Variants in ECHDC1 observed in about 807,000 individuals in gnomAD.
ECHDC1 encodes ethylmalonyl-CoA decarboxylase 1, also known as ethylmalonyl-CoA decarboxylase.
A neutral mutation model predicts 29.7 loss-of-function variants in ECHDC1; 29 were observed. The ratio of observed to expected loss-of-function variants is 0.98; its 90% CI spans 0.73 to 1.33. The LOEUF (loss-of-function observed/expected upper bound fraction) is 1.33. Ranked by LOEUF, ECHDC1 falls within the 40% of genes most tolerant of loss-of-function variation. ECHDC1 has a pLI of 0.00. For synonymous variants in ECHDC1, 126 were observed against 123.1 expected, an observed-to-expected ratio of 1.02 and a Z score of -0.15; for missense variants, 328 against 350.0, an observed-to-expected ratio of 0.94 and a Z score of 0.50.
At chr6:127,341,897 C>T (rs1229479632) in intron 1 of ECHDC1, among the ~76,000 whole-genome samples, 1 of 152,222 alleles carries the variant, frequency 6.6e-6, no homozygotes, top group Non-Finnish European at 1.5e-5. Context: ...CTGTATATCG[C>T]CTGTTTGTAA....
At chr6:127,304,586 A>G (rs1349879358) in intron 5 of ECHDC1, among the ~76,000 whole-genome samples, 4 of 152,240 alleles carry the variant, frequency 2.6e-5, no homozygotes, top group African/African-American at 9.6e-5. Flanking sequence ...GGAAAAAGAG[A>G]TACGTGACTT....
chr6:127,329,425 A>G (rs2114676337), intron 2 of ECHDC1, among the ~76,000 whole-genome samples: 1 of 152,308 alleles, frequency 6.6e-6, no homozygotes, highest in South Asian at 2.1e-4. Context: ...ATAAATCATC[A>G]CTATTGATCC....
In ECHDC1 at chr6:127,332,931, T is replaced by G. The variant is rs139513872; in HGVS notation, c.-2-1901A>C. Among the ~76,000 whole-genome samples the G allele has an allele frequency of 2.8e-3, 426 of 152,302 alleles. 2 individuals are homozygous for G. Among genetic ancestry groups the G allele is most frequent in the African/African-American group, 9.9e-3 (410 of 41,560 alleles). ...CCTAAGCCTCCCGAGTAGCTGGGAC[T>G]ATAGGTATATGCCAACATGCCAAGC... On this transcript the variant is annotated intron_variant, in intron 1 of 5. Transcript: ENST00000454859.
At chr6:127,305,282 T>C (rs1444300308) in intron 5 of ECHDC1, among the ~76,000 whole-genome samples, 7 of 152,088 alleles carry the variant, frequency 4.6e-5, no homozygotes, top group Non-Finnish European at 1.0e-4. Flanking sequence ...ATACTGCAAG[T>C]GCTGAGGGAA....
intron 3 of ECHDC1, among the ~76,000 whole-genome samples, chr6:127,321,844 A>G (rs1782852656): frequency 6.6e-6 from 1 of 151,938 alleles, no homozygotes. Flanking sequence ...CTCTACTAAA[A>G]ATACAAAAAC....
intron 5 of ECHDC1, among the ~76,000 whole-genome samples, chr6:127,310,682 A>T (rs6936813): frequency 0.13 from 19,949 of 152,264 alleles, 2,571 homozygotes; most frequent in East Asian, 0.56. Flanking sequence ...ACAACAAAGG[A>T]TTTAGAATAT....
chr6:127,323,215 T>C (rs1782992880), intron 3 of ECHDC1, among the ~76,000 whole-genome samples: 1 of 152,024 alleles, frequency 6.6e-6, no homozygotes, highest in Non-Finnish European at 1.5e-5. Flanking sequence ...TCTGAAAAAA[T>C]GTAAAATCTG....
intron 1 of ECHDC1, among the ~76,000 whole-genome samples, chr6:127,335,538 T>C (rs1053247115): frequency 2.0e-5 from 3 of 152,132 alleles, no homozygotes; most frequent in Non-Finnish European, 4.4e-5. Context: ...CATAAATCTT[T>C]GATAGGACCT....
At chr6:127,298,686 T>C (rs996764310) in intron 5 of ECHDC1, among the ~76,000 whole-genome samples, 7 of 152,206 alleles carry the variant, frequency 4.6e-5, no homozygotes, top group Non-Finnish European at 7.3e-5. Flanking sequence ...AAAATTTCTA[T>C]AGCCTGGTGA....
chr6:127,317,693 A>G (rs2114629221), intron 3 of ECHDC1, among the ~76,000 whole-genome samples: 1 of 152,340 alleles, frequency 6.6e-6, no homozygotes, highest in South Asian at 2.1e-4. Flanking sequence ...TAAGGCTCAG[A>G]TTTTTGGTAC....
intron 3 of ECHDC1, among the ~76,000 whole-genome samples, chr6:127,323,630 T>C (rs561474668): frequency 6.6e-6 from 1 of 152,280 alleles, no homozygotes; most frequent in East Asian, 1.9e-4. Flanking sequence ...CCAGAAAGTA[T>C]TGAAACCAGC....
intron 3 of ECHDC1, among the ~76,000 whole-genome samples, chr6:127,319,016 C>T (rs1024999814): frequency 1.3e-5 from 2 of 152,208 alleles, no homozygotes; most frequent in Non-Finnish European, 2.9e-5. Context: ...TTTTAATATG[C>T]ATATTTGCTC....
At chr6:127,298,812 T>C (rs1780819159) in intron 5 of ECHDC1, among the ~76,000 whole-genome samples, 1 of 152,170 alleles carries the variant, frequency 6.6e-6, no homozygotes, top group African/African-American at 2.4e-5. Context: ...CATACAATTA[T>C]GTATGTTACA....
In ECHDC1 at chr6:127,289,177, GTAGTTGTTTATTAC is replaced by G. The variant is rs1779894965; in HGVS notation, c.*678_*691del. On this transcript the variant is annotated 3_prime_UTR_variant, in exon 6 of 6. Coordinates refer to ENST00000454859, the MANE Select transcript of ECHDC1 (RefSeq NM_001002030.2). ...CAAGTGGTTTAAAACTACATCAACA[GTAGTTGTTTATTAC>G]TAGTTGGAAATTCCAGGGCACACAA... 6.6e-6 allele frequency: 1 copy of G among 152,050 alleles called. No homozygotes were observed. The highest frequency in any genetic ancestry group is 1.5e-5 in the Non-Finnish European group (1 of 67,974). 9.4% of individuals were successfully genotyped at this position (152,050 alleles called of 1,614,324 possible). A position where few individuals can be genotyped will look rare whatever the true frequency, so the allele number is the denominator to read the frequency against.
chr6:127,304,140 G>A lies in ECHDC1; in HGVS notation c.497+10676C>T, dbSNP rs574835596. Among the ~76,000 whole-genome samples, 46 of 152,256 alleles carry A rather than the reference G, an allele frequency of 3.0e-4. 1 individual carries two copies. In the South Asian group the frequency reaches 8.1e-3, roughly 27 times the overall value. ...TGTGACCCAGCACAGTCCTAGTGGC[G>A]GTGGCCATAGGGTTACTTAGTTCAC... On this transcript the variant is annotated intron_variant, in intron 5 of 5. Coordinates refer to ENST00000454859, the MANE Select transcript of ECHDC1 (RefSeq NM_001002030.2).
chr6:127,330,687 C>T (rs1275680465), intron 2 of ECHDC1, 122 bp downstream of exon 2: 2 of 724,222 alleles, frequency 2.8e-6, no homozygotes, highest in African/African-American at 3.6e-5. Context: ...TGTTATTTTT[C>T]TCATGTTCTA....
chr6:127,336,632 T>A (rs935018216), intron 1 of ECHDC1, among the ~76,000 whole-genome samples: 8 of 152,218 alleles, frequency 5.3e-5, no homozygotes, highest in African/African-American at 1.9e-4. Flanking sequence ...GGACAAATTC[T>A]GTGGTTGAGA....
chr6:127,304,626 T>C (rs768230703), intron 5 of ECHDC1, among the ~76,000 whole-genome samples: 21 of 152,164 alleles, frequency 1.4e-4, no homozygotes, highest in Non-Finnish European at 2.6e-4. Context: ...GTAGCTGTTT[T>C]GACAAAACTC....
rs548025662 is a variant in ECHDC1, at chr6:127,313,677, A to T, written c.497+1139T>A. The T allele has an allele frequency of 1.3e-3, 575 of 435,624 alleles. 4 individuals carry two copies. The highest frequency in any genetic ancestry group is 5.8e-3 in the Middle Eastern group (17 of 2,918). 27.0% of individuals were successfully genotyped at this position (435,624 alleles called of 1,614,324 possible). The stretch of plus-strand genomic sequence containing the variant: ...AGGGTCAAGTGTATAATGAATTTTT[A>T]AAAAAATGGCAAGGCCAGGGTTAGC... On this transcript the variant is annotated intron_variant, in intron 5 of 5. Coordinates refer to ENST00000454859, the MANE Select transcript of ECHDC1 (RefSeq NM_001002030.2).
Sources: allele counts gnomAD v4.1 joint callset (sites outside exome capture counted in the v4.1 genomes callset), GRCh38; gene constraint gnomAD v4.1.1; transcripts MANE v1.5; gene names NCBI Gene and HGNC (gene_info 2026-07-23, HGNC 2026-07-21).